The following MYT1L variants were observed in gnomAD, a reference collection of about 807,000 sequenced individuals.
MYT1L encodes myelin transcription factor 1 like.
A neutral mutation model predicts 126.7 loss-of-function variants in MYT1L; 12 were observed. The observed-to-expected ratio is 0.09, with a 90% CI of 0.06 to 0.15. The LOEUF is 0.15. Among genes scored for constraint, MYT1L ranks in the 10% least tolerant of loss-of-function variants. The probability of loss-of-function intolerance (pLI) is 1.00; values close to 1 mark genes in which losing one functional copy is unlikely to be tolerated. For missense variants in MYT1L, 979 were observed against 1,585.2 expected (o/e 0.62, Z 6.49); for synonymous variants, 541 against 604.2 (o/e 0.90, Z 1.53).
At chr2:2,232,141 T>A (rs1397192351) in intron 2 of MYT1L, among the ~76,000 whole-genome samples, 2 of 152,316 alleles carry the variant, frequency 1.3e-5, no homozygotes, top group Admixed American at 1.3e-4. Context: ...AATTCCTTCA[T>A]GAAAGAGTGA....
chr2:2,041,676 G>A lies in MYT1L; in HGVS notation c.-158+12302C>T, dbSNP rs143215410. ...GGACCTTTGCCTCTGCTTGCTCACC[G>A]GAGGCAAATTTCTCTGGTTTCATTA... On this transcript the variant is annotated intron_variant, in intron 4 of 24. Transcript: ENST00000647738. Among the ~76,000 whole-genome samples the A allele has an allele frequency of 3.5e-3, 537 of 152,190 alleles. 3 individuals carry two copies. The highest frequency in any genetic ancestry group is 5.3e-3 in the Non-Finnish European group (360 of 68,016).
intron 2 of MYT1L, among the ~76,000 whole-genome samples, chr2:2,283,885 C>G (rs1201011957): frequency 6.6e-6 from 1 of 152,152 alleles, no homozygotes; most frequent in Admixed American, 6.5e-5. Context: ...CTCCCTCTGC[C>G]TCAGTTTCCT....
At chr2:2,093,728 C>A (rs1194433399) in intron 3 of MYT1L, among the ~76,000 whole-genome samples, 1 of 152,142 alleles carries the variant, frequency 6.6e-6, no homozygotes, top group Non-Finnish European at 1.5e-5. Context: ...GCTTTTGTTG[C>A]CATTGCTTTC....
chr2:2,267,607 G>A (rs914611745), intron 2 of MYT1L, among the ~76,000 whole-genome samples: 1 of 152,198 alleles, frequency 6.6e-6, no homozygotes, highest in African/African-American at 2.4e-5. Flanking sequence ...GACAGGGAAG[G>A]CCGAGGTTGC....
At chr2:2,051,024 G>A (rs777738236) in intron 4 of MYT1L, among the ~76,000 whole-genome samples, 5 of 152,086 alleles carry the variant, frequency 3.3e-5, no homozygotes, top group Non-Finnish European at 7.4e-5. Context: ...ACTGAGAGGA[G>A]GTATGCAACT....
intron 8 of MYT1L, among the ~76,000 whole-genome samples, chr2:1,978,510 T>C (rs2060349614): frequency 6.6e-6 from 1 of 152,238 alleles, no homozygotes; most frequent in Non-Finnish European, 1.5e-5. Flanking sequence ...CATATAATTC[T>C]GCCATGACAC....
chr2:1,887,446 A>C lies in MYT1L; in HGVS notation c.2642+42T>G. 1 of 1,613,210 alleles carries C rather than the reference A, an allele frequency of 6.2e-7. No homozygotes were observed. The highest frequency in any genetic ancestry group is 1.1e-5 in the South Asian group (1 of 91,022). ...TTTAAAAAATCAGCCAAAGAATGGG[A>C]AGATTAAGAAGATTCATAATTTCAC... On this transcript the variant is annotated intron_variant, in intron 17 of 24. Transcript: ENST00000647738. The surrounding 1 kb of genome is among the most constrained non-coding windows in gnomAD (Gnocchi z 4.8).
chr2:2,306,056 A>G (rs568136323), intron 1 of MYT1L: 1 of 152,316 alleles, frequency 6.6e-6, no homozygotes, highest in East Asian at 1.9e-4. Context: ...TGATCCTGGA[A>G]CAGGAGCAAG....
chr2:2,151,675 A>G (rs2085814751), intron 3 of MYT1L, among the ~76,000 whole-genome samples: 1 of 152,238 alleles, frequency 6.6e-6, no homozygotes, highest in African/African-American at 2.4e-5. Context: ...TCCTATATAT[A>G]CATACCTAGG....
intron 3 of MYT1L, among the ~76,000 whole-genome samples, chr2:2,132,926 CCT>C (rs2082570220): frequency 2.0e-5 from 3 of 152,180 alleles, no homozygotes; most frequent in South Asian, 4.2e-4. Flanking sequence ...AAAGCAGTCC[CCT>C]GTCCTGTCCT....
chr2:2,129,195 G>A lies in MYT1L; in HGVS notation c.-304+43677C>T, dbSNP rs533948203. Among the ~76,000 whole-genome samples the A allele has an allele frequency of 7.9e-5, 12 of 152,238 alleles. No homozygotes were observed. The East Asian group carries it at 1.4e-3, about 17-fold the overall frequency. Reference sequence around the variant, plus strand: ...CAGATGCCTGGAGGAGAAGGTGGTCGGGAAGAAGTTACATCCACAAGCACA... The same window carrying A: ...CAGATGCCTGGAGGAGAAGGTGGTCAGGAAGAAGTTACATCCACAAGCACA... On this transcript the variant is annotated intron_variant, in intron 3 of 24. Transcript: ENST00000647738.
chr2:2,099,585 C>T (rs2077819839), intron 3 of MYT1L, among the ~76,000 whole-genome samples: 1 of 152,132 alleles, frequency 6.6e-6, no homozygotes, highest in South Asian at 2.1e-4. Context: ...AACCTAATTG[C>T]TATTTAATGT....
At chr2:1,815,959 A>G (rs934338646) in intron 21 of MYT1L, among the ~76,000 whole-genome samples, 3 of 152,194 alleles carry the variant, frequency 2.0e-5, no homozygotes, top group African/African-American at 7.2e-5. Context: ...TTCATCACCA[A>G]TGGAACGCCC....
At chr2:1,950,910 T>C (rs1407979264) in intron 8 of MYT1L, among the ~76,000 whole-genome samples, 3 of 152,006 alleles carry the variant, frequency 2.0e-5, no homozygotes, top group Non-Finnish European at 4.4e-5. Context: ...TAAGGAGCAA[T>C]GTCAGGTCAT....
At chr2:2,006,790 G>A (rs553042786) in intron 4 of MYT1L, among the ~76,000 whole-genome samples, 7 of 151,806 alleles carry the variant, frequency 4.6e-5, no homozygotes, top group South Asian at 2.1e-4. Context: ...TGGCCAGACC[G>A]GTCTCCAAGT....
At chr2:2,147,742 A>G (rs986920446) in intron 3 of MYT1L, among the ~76,000 whole-genome samples, 16 of 152,150 alleles carry the variant, frequency 1.1e-4, no homozygotes, top group Admixed American at 1.0e-3. Context: ...AAGGCACAAG[A>G]AGGCAGGGTG....
rs1214691572 is a variant in MYT1L, at chr2:1,806,202, A to G, written c.3172+2874T>C. Among the ~76,000 whole-genome samples the G allele has an allele frequency of 2.0e-5, 3 of 152,238 alleles. No individual in the cohort carries two copies. Among genetic ancestry groups the G allele is most frequent in the African/African-American group, 7.2e-5 (3 of 41,468 alleles). On this transcript the variant is annotated intron_variant, in intron 22 of 24. Transcript: ENST00000647738. The surrounding 1 kb of genome is among the most constrained non-coding windows in gnomAD (Gnocchi z 4.9). Reference sequence around the variant, plus strand: ...AGAACTATCTCAGTTTGGTGCAAACAGTGTCAGGAATCGACAGCCCCAGGC... The same window carrying G: ...AGAACTATCTCAGTTTGGTGCAAACGGTGTCAGGAATCGACAGCCCCAGGC...
chr2:1,984,301 C>CA (rs1026078653), intron 5 of MYT1L, among the ~76,000 whole-genome samples: 2 of 152,092 alleles, frequency 1.3e-5, no homozygotes, highest in African/African-American at 4.8e-5. Flanking sequence ...TAGCTTGCTG[C>CA]ACCCTCGAAC....
intron 3 of MYT1L, among the ~76,000 whole-genome samples, chr2:2,061,287 G>T (rs553480556): frequency 2.0e-5 from 3 of 152,304 alleles, no homozygotes; most frequent in Admixed American, 1.3e-4. Context: ...CAGTGGCTGA[G>T]GGGTGCAGAG....
Sources: allele counts gnomAD v4.1 joint callset (sites outside exome capture counted in the v4.1 genomes callset), GRCh38; gene constraint gnomAD v4.1.1; non-coding constraint Gnocchi (gnomAD v3.1); transcripts MANE v1.5; gene names NCBI Gene and HGNC (gene_info 2026-07-23, HGNC 2026-07-21).